LRRC4C: variants seen among roughly 807,000 people sequenced by gnomAD.
LRRC4C encodes leucine rich repeat containing 4C.
A neutral mutation model predicts 33.6 loss-of-function variants in LRRC4C; 5 were observed. That is an observed-to-expected ratio of 0.15 (90% confidence interval 0.08 to 0.31). The LOEUF (loss-of-function observed/expected upper bound fraction) is 0.31. Ranked by LOEUF, LRRC4C falls within the 10% of genes least tolerant of loss-of-function variation. The pLI is 1.00. For synonymous variants in LRRC4C, 329 were observed against 302.0 expected, an observed-to-expected ratio of 1.09 and a Z score of -0.93; for missense variants, 560 against 796.7, an observed-to-expected ratio of 0.70 and a Z score of 3.58.
intron 2 of LRRC4C, among the ~76,000 whole-genome samples, chr11:40,739,436 GTT>G (rs751319586): frequency 1.3e-5 from 2 of 151,748 alleles, no homozygotes; most frequent in Non-Finnish European, 2.9e-5. Flanking sequence ...GTGTGTGTGT[GTT>G]TATTACCCTT....
At chr11:41,034,607 G>A (rs1381580) in intron 1 of LRRC4C, among the ~76,000 whole-genome samples, 16,748 of 96,868 alleles carry the variant, frequency 0.17, 1,443 homozygotes, top group Middle Eastern at 0.24. Flanking sequence ...ATATGGTGAC[G>A]TATATATATA....
At chr11:40,518,981 A>G (rs1440883658) in intron 3 of LRRC4C, among the ~76,000 whole-genome samples, 1 of 152,190 alleles carries the variant, frequency 6.6e-6, no homozygotes, top group Non-Finnish European at 1.5e-5. Context: ...AAAGCAAACT[A>G]ATACAAGAAC....
chr11:40,877,505 A>G (rs1352412766), intron 2 of LRRC4C, among the ~76,000 whole-genome samples: 1 of 152,130 alleles, frequency 6.6e-6, no homozygotes, highest in Non-Finnish European at 1.5e-5. Flanking sequence ...TTGCCCTTGA[A>G]TATCCTCTGC....
intron 3 of LRRC4C, among the ~76,000 whole-genome samples, chr11:40,467,578 T>C (rs1381565078): frequency 2.0e-5 from 3 of 152,166 alleles, no homozygotes; most frequent in East Asian, 3.9e-4. Flanking sequence ...TTTGAGGATA[T>C]GGTTTCAGTA....
intron 5 of LRRC4C, among the ~76,000 whole-genome samples, chr11:40,226,369 A>T (rs1864798377): frequency 6.6e-6 from 1 of 152,188 alleles, no homozygotes; most frequent in South Asian, 2.1e-4. Context: ...CAAAGCCTCA[A>T]TACCACCACA....
intron 1 of LRRC4C, among the ~76,000 whole-genome samples, chr11:41,060,045 T>A (rs775832307): frequency 2.0e-5 from 3 of 152,118 alleles, no homozygotes; most frequent in Non-Finnish European, 2.9e-5. Flanking sequence ...TGCACTGCAC[T>A]GAGTGTAGCA....
chr11:41,247,639 A>G (rs1948496260), intron 1 of LRRC4C, among the ~76,000 whole-genome samples: 1 of 152,220 alleles, frequency 6.6e-6, no homozygotes, highest in Non-Finnish European at 1.5e-5. Flanking sequence ...TGTGAGAAGG[A>G]AGGGAAAATG....
chr11:40,500,296 AC>A (rs1954692517), intron 3 of LRRC4C, among the ~76,000 whole-genome samples: 1 of 21,006 alleles, frequency 4.8e-5, no homozygotes, highest in African/African-American at 2.2e-4. Context: ...ATATATATAC[AC>A]ACACACACAC....
rs190403449 is a variant in LRRC4C at position 40,172,717 on chromosome 11, A to C, written c.-95-31864T>G. On this transcript the variant is annotated intron_variant, in intron 5 of 6. Coordinates refer to ENST00000528697, the MANE Select transcript of LRRC4C (RefSeq NM_001258419.2). ...AAGTAAAGGGGCAGAGGGACCTTCTATCCATGACTGTGTCACCTCATTTAA... is the reference window on the plus strand; with the variant it reads ...AAGTAAAGGGGCAGAGGGACCTTCTCTCCATGACTGTGTCACCTCATTTAA... Among the ~76,000 whole-genome samples the C allele has an allele frequency of 2.6e-5, 4 of 152,164 alleles. No individual in the cohort carries two copies. In the East Asian group the frequency reaches 5.8e-4, roughly 22 times the overall value.
At chr11:40,698,102 C>G (rs1012164635) in intron 2 of LRRC4C, among the ~76,000 whole-genome samples, 1 of 151,376 alleles carries the variant, frequency 6.6e-6, no homozygotes, top group Non-Finnish European at 1.5e-5. Flanking sequence ...TTTAATACTC[C>G]TGAACAGAGA....
At chr11:41,094,349 C>T (rs995172661) in intron 1 of LRRC4C, among the ~76,000 whole-genome samples, 1 of 151,664 alleles carries the variant, frequency 6.6e-6, no homozygotes, top group Non-Finnish European at 1.5e-5. Flanking sequence ...CACGGTGAAA[C>T]CCCGTCTCTA....
At chr11:40,705,082 A>G (rs1243473879) in intron 2 of LRRC4C, among the ~76,000 whole-genome samples, 3 of 152,180 alleles carry the variant, frequency 2.0e-5, no homozygotes, top group Admixed American at 6.5e-5. Flanking sequence ...TTACAATCCA[A>G]TGTGGTAGTT....
At position 40,634,770 on chromosome 11, in the gene LRRC4C, T is replaced by C. The variant is rs182554370; in HGVS notation, c.-270+13372A>G. On this transcript the variant is annotated intron_variant, in intron 3 of 6. Coordinates refer to ENST00000528697, the MANE Select transcript of LRRC4C (RefSeq NM_001258419.2). ...AGTGGTGCATGCCTGTAGTCTCAGC[T>C]ACTTTGGAAGCTAAGGCAGGTGGCG... 1.5e-3 allele frequency among the ~76,000 whole-genome samples: 232 copies of C among 152,088 alleles called. 1 individual carries two copies. Among genetic ancestry groups the C allele is most frequent in the African/African-American group, 5.4e-3 (225 of 41,468 alleles).
At chr11:40,730,215 C>A (rs999283801) in intron 2 of LRRC4C, among the ~76,000 whole-genome samples, 4 of 151,910 alleles carry the variant, frequency 2.6e-5, no homozygotes, top group African/African-American at 9.7e-5. Context: ...AACTAACCTG[C>A]ACACTGTGCA....
At position 40,115,218 on chromosome 11, in the gene LRRC4C, G is replaced by C. The variant is rs908611922; in HGVS notation, c.1075C>G (p.Pro359Ala). The part of the protein sequence containing the change: ...FTCYAPVIVE[P>A]PADLNVTEGM... ...TCAGTGACATTGAGGTCTGCAGGGGGCTCCACAATCACCGGAGCATAGCAT... is the reference window on the plus strand; with the variant it reads ...TCAGTGACATTGAGGTCTGCAGGGGCCTCCACAATCACCGGAGCATAGCAT... Residue 359 changes from proline (P) to alanine (A), a missense_variant, in exon 7 of 7, where the codon CCC (proline) becomes GCC (alanine). Coordinates refer to ENST00000528697, the MANE Select transcript of LRRC4C (RefSeq NM_001258419.2). This position sits in a 1 kb window ranked among gnomAD's most constrained non-coding sequence, Gnocchi z 6.7. 1.2e-6 allele frequency: 2 copies of C among 1,614,146 alleles called. No individual in the cohort carries two copies. The highest frequency in any genetic ancestry group is 8.5e-7 in the Non-Finnish European group (1 of 1,180,038).
chr11:40,364,372 A>G lies in LRRC4C; in HGVS notation c.-269-44651T>C, dbSNP rs182537628. On this transcript the variant is annotated intron_variant, in intron 3 of 6. Transcript: ENST00000528697. ...AGCCAATGAAAAGCATAAACATGTT[A>G]AAAGATGCAGAAGATAAAAAAATGA... is the stretch of plus-strand genomic sequence containing the variant. 1.6e-4 allele frequency among the ~76,000 whole-genome samples: 24 copies of G among 152,290 alleles called. No individual in the cohort carries two copies. The East Asian group carries it at 3.5e-3, about 22-fold the overall frequency.
At chr11:41,116,982 A>G (rs1286604552) in intron 1 of LRRC4C, among the ~76,000 whole-genome samples, 1 of 152,106 alleles carries the variant, frequency 6.6e-6, no homozygotes, top group Non-Finnish European at 1.5e-5. Context: ...ACGTACTTCC[A>G]CACTTCTTGA....
intron 3 of LRRC4C, among the ~76,000 whole-genome samples, chr11:40,426,580 C>G (rs1275793916): frequency 2.6e-5 from 4 of 152,138 alleles, no homozygotes; most frequent in Non-Finnish European, 4.4e-5. Flanking sequence ...TGCTTCATTC[C>G]TTAGCATTTA....
At position 40,488,318 on chromosome 11, in the gene LRRC4C, T is replaced by C. The variant is rs72897098; in HGVS notation, c.-270+159824A>G. Among the ~76,000 whole-genome samples the C allele has an allele frequency of 3.3e-3, 501 of 152,244 alleles. 2 individuals carry two copies. The highest frequency in any genetic ancestry group is 5.5e-3 in the Non-Finnish European group (373 of 67,990). Reference sequence around the variant, plus strand: ...TTAAAGGAAAATATCTTCAGTGGCCTTCCTGGCATCTTGCCTTGTAACTTT... The same window carrying C: ...TTAAAGGAAAATATCTTCAGTGGCCCTCCTGGCATCTTGCCTTGTAACTTT... On this transcript the variant is annotated intron_variant, in intron 3 of 6. Coordinates refer to ENST00000528697, the MANE Select transcript of LRRC4C (RefSeq NM_001258419.2).
Sources: allele counts gnomAD v4.1 joint callset (sites outside exome capture counted in the v4.1 genomes callset), GRCh38; gene constraint gnomAD v4.1.1; non-coding constraint Gnocchi (gnomAD v3.1); transcripts MANE v1.5; gene names NCBI Gene and HGNC (gene_info 2026-07-23, HGNC 2026-07-21).